HMG20B: variants seen among roughly 807,000 people sequenced by gnomAD.
HMG20B encodes high mobility group 20B, also known as SWI/SNF-related matrix-associated actin-dependent regulator of chromatin subfamily E member 1-related.
In HMG20B, 24 loss-of-function variants were observed where a neutral mutation model predicts 41.6. The observed-to-expected ratio is 0.58, with a 90% CI of 0.42 to 0.81. The LOEUF is 0.81. Ranked by LOEUF, HMG20B falls within the 30% of genes least tolerant of loss-of-function variation. The pLI, the probability that HMG20B is intolerant of heterozygous loss-of-function variation, is 0.00. For missense variants in HMG20B, 461 were observed against 444.0 expected (o/e 1.04, Z -0.34); for synonymous variants, 251 against 186.6 (o/e 1.34, Z -2.81).
rs781250195 is a variant in HMG20B at position 3,576,885 on chromosome 19, G to T, written c.593-7G>T. The T allele has an allele frequency of 1.0e-5, 16 of 1,563,392 alleles. No individual in the cohort carries two copies. Among genetic ancestry groups the T allele is most frequent in the Non-Finnish European group, 1.3e-5 (15 of 1,155,712 alleles). On this transcript the variant is annotated splice_region_variant and splice_polypyrimidine_tract_variant and intron_variant, in intron 7 of 9. Transcript: ENST00000333651. The stretch of plus-strand genomic sequence containing the variant: ...CGCAGGCTTTGACCCCGCTCCCCCC[G>T]GCGCAGCGCGTGAGGCGGAGCTTCG...
At chr19:3,577,409 C>G (rs1470065496) in intron 8 of HMG20B, among the ~76,000 whole-genome samples, 4 of 150,014 alleles carry the variant, frequency 2.7e-5, no homozygotes, top group Non-Finnish European at 5.9e-5. Context: ...CCGCGCCTCC[C>G]GGCCACGACC....
rs868550784 is a variant in HMG20B at position 3,578,854 on chromosome 19, G to A, written c.*333G>A. On this transcript the variant is annotated 3_prime_UTR_variant, in exon 10 of 10. Transcript: ENST00000333651. Reference sequence around the variant, plus strand: ...CAGACGAAACCCACCCCCAGCACACGGCAGGACCCCCCAAATTACTCACTA... The same window carrying A: ...CAGACGAAACCCACCCCCAGCACACAGCAGGACCCCCCAAATTACTCACTA... The A allele has an allele frequency of 1.6e-6, 1 of 610,898 alleles. No homozygotes were observed. 37.8% of individuals were successfully genotyped at this position (610,898 alleles called of 1,614,324 possible).
chr19:3,574,151 C>A, intron 3 of HMG20B: 1 of 614,280 alleles, frequency 1.6e-6, no homozygotes, highest in South Asian at 1.9e-5. Flanking sequence ...CAACCCTGTA[C>A]TCAAACCTCG....
At chr19:3,576,161 A>C in intron 5 of HMG20B, 100 bp from the exon 6 acceptor site, 2 of 1,034,208 alleles carry the variant, frequency 1.9e-6, no homozygotes, top group Non-Finnish European at 3.0e-6. Context: ...GGGGCACTCA[A>C]GTGGGGAGCT....
At chr19:3,575,029 T>G (rs2032128191) in intron 4 of HMG20B, among the ~76,000 whole-genome samples, 1 of 152,156 alleles carries the variant, frequency 6.6e-6, no homozygotes, top group African/African-American at 2.4e-5. Context: ...CATGACCAGC[T>G]TTTGGGGGCG....
chr19:3,575,495 G>A (rs1282109376), intron 4 of HMG20B, 45 bp from the exon 5 acceptor site: 3 of 1,555,324 alleles, frequency 1.9e-6, no homozygotes, highest in Admixed American at 3.9e-5. Flanking sequence ...GGATCCTGGC[G>A]TTGGAGGCTT....
At chr19:3,575,702 G>A (rs1455231813) in intron 5 of HMG20B, 42 bp downstream of exon 5, 11 of 1,529,124 alleles carry the variant, frequency 7.2e-6, no homozygotes, top group East Asian at 2.5e-5. Flanking sequence ...TGTCATCCCA[G>A]CACTTTGGGA....
intron 8 of HMG20B, 150 bp downstream of exon 8, chr19:3,577,257 C>T (rs1188000505): frequency 6.6e-6 from 4 of 605,322 alleles, no homozygotes; most frequent in Non-Finnish European, 1.1e-5. Flanking sequence ...GCCTATCGCC[C>T]CGCCCTCATC....
rs1309401062 is a variant in HMG20B, at chr19:3,578,862, C to T, written c.*341C>T. The T allele has an allele frequency of 1.7e-6, 1 of 592,438 alleles. No homozygotes were observed. The allele number at this position is 592,438 out of a possible 1,614,324, so 36.7% of individuals were successfully genotyped here. A position where few individuals can be genotyped will look rare whatever the true frequency, so the allele number is the denominator to read the frequency against. On this transcript the variant is annotated 3_prime_UTR_variant, in exon 10 of 10. Transcript: ENST00000333651. The stretch of plus-strand genomic sequence containing the variant: ...ACCCACCCCCAGCACACGGCAGGAC[C>T]CCCCAAATTACTCACTACGGGGGGC...
chr19:3,576,732 C>A (rs1428390427), intron 7 of HMG20B, 107 bp downstream of exon 7: 1 of 1,276,260 alleles, frequency 7.8e-7, no homozygotes, highest in African/African-American at 1.5e-5. Context: ...GGGAGGTTCC[C>A]TATGAGCGTC....
rs1399218591 is a variant in HMG20B, at chr19:3,573,705, A to C, written c.52A>C (p.Lys18Gln). 5 of 1,503,058 alleles carry C rather than the reference A, an allele frequency of 3.3e-6. No homozygotes were observed. Among genetic ancestry groups the C allele is most frequent in the Non-Finnish European group, 4.4e-6 (5 of 1,131,066 alleles). The allele number at this position is 1,503,058 out of a possible 1,614,324, so 93.1% of individuals were successfully genotyped here. ...CCTTGGCTCCAGGCCGGCGGGCGGC[A>C]AGGCTCCGGGCCAGCATGGGGGCTT... ...PGAAAAPAGG[K>Q]APGQHGGFVV... The change falls in exon 3 of 10, where the codon AAG becomes CAG. Residue 18 changes from lysine to glutamine, a missense_variant. By Grantham distance (53) the Lys-to-Gln change is moderately conservative. Around this residue, in one of 3 missense-constraint regions of HMG20B, gnomAD observed 104 missense variants for 76.5 expected, o/e 1.36. Coordinates refer to ENST00000333651, the MANE Select transcript of HMG20B (RefSeq NM_006339.3).
chr19:3,578,177 TC>T, intron 9 of HMG20B, 64 bp downstream of exon 9: 1 of 1,574,930 alleles, frequency 6.3e-7, no homozygotes. Flanking sequence ...GCCCTGGGGT[TC>T]CCCAGGTCCG....
Position 3,577,099 on chromosome 19 carries a change from C to A in HMG20B, c.800C>A (p.Pro267Gln). 1.3e-6 allele frequency: 2 copies of A among 1,532,896 alleles called. No homozygotes were observed. The highest frequency in any genetic ancestry group is 2.0e-5 in the Admixed American group (1 of 50,532). The allele number at this position is 1,532,896 out of a possible 1,614,324, so 95.0% of individuals were successfully genotyped here. The change falls in exon 8 of 10, where the codon CCG becomes CAG. Residue 267 changes from proline (P) to glutamine (Q), a missense_variant. This residue lies in a region of HMG20B where 308 missense variants were observed against 283.4 expected (regional missense o/e 1.09). Transcript: ENST00000333651. ...QALTASFASLPVPGTGETPTL... is the reference protein window; with the variant it reads ...QALTASFASLQVPGTGETPTL... ...CTCACCGCCAGCTTCGCCTCACTGCCGGTGCCGGGTGCGGGCCACGCCCAT... is the reference window on the plus strand; with the variant it reads ...CTCACCGCCAGCTTCGCCTCACTGCAGGTGCCGGGTGCGGGCCACGCCCAT...
intron 4 of HMG20B, 88 bp from the exon 5 acceptor site, chr19:3,575,452 G>A (rs1197277329): frequency 6.5e-7 from 1 of 1,534,954 alleles, no homozygotes; most frequent in Admixed American, 2.0e-5. Flanking sequence ...TCAGGAGAGG[G>A]GAGGGTGCTG....
Position 3,578,727 on chromosome 19 carries a change from G to T in HMG20B, c.*206G>T. On this transcript the variant is annotated 3_prime_UTR_variant, in exon 10 of 10. Transcript: ENST00000333651. ...CCCCCTGAACCCGGAAAAAGCACTCGCTGCGCGATACACCCAGAAGAACCT... is the reference window on the plus strand; with the variant it reads ...CCCCCTGAACCCGGAAAAAGCACTCTCTGCGCGATACACCCAGAAGAACCT... 1 of 784,160 alleles carries T rather than the reference G, an allele frequency of 1.3e-6. No individual in the cohort carries two copies. Among genetic ancestry groups the T allele is most frequent in the South Asian group, 1.4e-5 (1 of 70,044 alleles). 48.6% of individuals were successfully genotyped at this position (784,160 alleles called of 1,614,324 possible).
intron 9 of HMG20B, 161 bp from the exon 10 acceptor site, chr19:3,578,348 G>A (rs2032219190): frequency 8.3e-6 from 10 of 1,207,894 alleles, no homozygotes; most frequent in Middle Eastern, 2.7e-4. Flanking sequence ...AGCTTCTCAG[G>A]GTGGATCCCA....
rs11882770 is a variant in HMG20B at position 3,576,641 on chromosome 19, G to A, written c.592+16G>A. ...CAAAACAAAGGTGAGCGGTAACTGC[G>A]CTCCTGATGCGAACTCCGTGAAACT... is the stretch of plus-strand genomic sequence containing the variant. On this transcript the variant is annotated intron_variant, in intron 7 of 9. Coordinates refer to ENST00000333651, the MANE Select transcript of HMG20B (RefSeq NM_006339.3). The A allele has an allele frequency of 8.7e-4, 1,391 of 1,605,134 alleles. 19 individuals are homozygous for A. The African/African-American group carries it at 0.016, about 18-fold the overall frequency.
At position 3,576,248 on chromosome 19, in the gene HMG20B, C is replaced by T. The variant is rs756074413; in HGVS notation, c.473-13C>T. Reference sequence around the variant, plus strand: ...CCTGGGAGGCTGACCCTGCCCTTCCCCTCCCCCGCCAGAAGACTCGAGCTC... The same window carrying T: ...CCTGGGAGGCTGACCCTGCCCTTCCTCTCCCCCGCCAGAAGACTCGAGCTC... On this transcript the variant is annotated splice_polypyrimidine_tract_variant and intron_variant, in intron 5 of 9. Transcript: ENST00000333651. 4.3e-6 allele frequency: 7 copies of T among 1,613,474 alleles called. No individual in the cohort carries two copies. The highest frequency in any genetic ancestry group is 3.3e-5 in the Admixed American group (2 of 59,988).
chr19:3,578,386 TG>T (rs2032220381), intron 9 of HMG20B, 122 bp from the exon 10 acceptor site: 2 of 1,368,102 alleles, frequency 1.5e-6, no homozygotes, highest in Admixed American at 2.9e-5. Flanking sequence ...GTTCAACGCC[TG>T]TCCCCCAACC....
Sources: gnomAD v4.1 joint callset for allele counts (sites outside exome capture counted in the v4.1 genomes callset) on GRCh38, gnomAD v4.1.1 for gene constraint, gnomAD v4.1.1 regional missense constraint, MANE v1.5 for transcripts, NCBI Gene and HGNC (gene_info 2026-07-23, HGNC 2026-07-21) for gene names.